The following UMAD1 variants were observed in gnomAD, a reference collection of about 807,000 sequenced individuals.
The protein encoded by UMAD1 is UBAP1-MVB12-associated (UMA) domain containing 1.
UMAD1 carries 8 observed loss-of-function variants against 6.1 expected under a neutral mutation model. That is an observed-to-expected ratio of 1.30 (90% CI 0.76 to 2.35). The LOEUF (loss-of-function observed/expected upper bound fraction) is 2.35. Among genes scored for constraint, UMAD1 ranks in the 30% most tolerant of loss-of-function variants. The probability of loss-of-function intolerance (pLI) is 0.00; values close to 1 mark genes in which losing one functional copy is unlikely to be tolerated. For synonymous variants in UMAD1, 56 were observed against 31.4 expected (o/e 1.78, Z -2.61); for missense variants, 130 against 78.4 (o/e 1.66, Z -2.49).
At chr7:7,710,392 T>C (rs1203820788) in intron 2 of UMAD1, among the ~76,000 whole-genome samples, 3 of 151,934 alleles carry the variant, frequency 2.0e-5, no homozygotes, top group Admixed American at 2.0e-4. Context: ...TAAAACCAAA[T>C]TAGAAAATGG....
Position 7,872,102 on chromosome 7 carries a change from T to TA in UMAD1, c.157-5168dup, listed in dbSNP as rs892789283. Among the ~76,000 whole-genome samples the TA allele has an allele frequency of 4.5e-3, 627 of 140,246 alleles. 3 individuals carry two copies. The highest frequency in any genetic ancestry group is 0.016 in the African/African-American group (601 of 38,186). The allele number at this position is 140,246 out of a possible 152,430, so 92.0% of individuals were successfully genotyped here. Reference sequence around the variant, plus strand: ...CCATAAAAAAATAAAAAATAAAAAATAAAAAAAAAAAGAAGTTGTGTGTTT... The same window carrying TA: ...CCATAAAAAAATAAAAAATAAAAAATAAAAAAAAAAAAGAAGTTGTGTGTTT... On this transcript the variant is annotated intron_variant, in intron 3 of 3. Coordinates refer to ENST00000682710, the MANE Select transcript of UMAD1 (RefSeq NM_001302348.2).
chr7:7,751,939 C>T (rs981485916), intron 2 of UMAD1, among the ~76,000 whole-genome samples: 2 of 152,124 alleles, frequency 1.3e-5, no homozygotes, highest in African/African-American at 4.8e-5. Flanking sequence ...TGATCACAGG[C>T]ATTTATCAGA....
intron 1 of UMAD1, among the ~76,000 whole-genome samples, chr7:7,664,468 C>T (rs528723923): frequency 3.3e-4 from 50 of 152,286 alleles, no homozygotes; most frequent in Non-Finnish European, 5.9e-4. Context: ...ACTTTCCTGA[C>T]GCTTACAACT....
chr7:7,872,638 T>C (rs1784350944), intron 3 of UMAD1, among the ~76,000 whole-genome samples: 1 of 152,232 alleles, frequency 6.6e-6, no homozygotes, highest in Admixed American at 6.5e-5. Flanking sequence ...GTAGACTTAC[T>C]TGATGCAGGG....
chr7:7,849,465 A>T (rs1030775799), intron 3 of UMAD1, among the ~76,000 whole-genome samples: 1 of 152,150 alleles, frequency 6.6e-6, no homozygotes, highest in African/African-American at 2.4e-5. Flanking sequence ...TGTAAAGCTA[A>T]GGAGTGTGGC....
chr7:7,825,123 T>C (rs1288333697), intron 3 of UMAD1, among the ~76,000 whole-genome samples: 1 of 152,072 alleles, frequency 6.6e-6, no homozygotes, highest in South Asian at 2.1e-4. Flanking sequence ...ATCTTAGAGA[T>C]GGGAATAGAG....
chr7:7,661,341 T>A (rs1428266528), intron 1 of UMAD1, among the ~76,000 whole-genome samples: 1 of 152,202 alleles, frequency 6.6e-6, no homozygotes, highest in African/African-American at 2.4e-5. Flanking sequence ...TCACCATTTT[T>A]GTTCCCTTGC....
chr7:7,693,569 G>A (rs955985116), intron 2 of UMAD1, among the ~76,000 whole-genome samples: 1 of 151,978 alleles, frequency 6.6e-6, no homozygotes, highest in Non-Finnish European at 1.5e-5. Context: ...CAGTGTATCA[G>A]GAGGCATCCT....
chr7:7,713,120 C>T (rs1193150451), intron 2 of UMAD1, among the ~76,000 whole-genome samples: 2 of 151,782 alleles, frequency 1.3e-5, no homozygotes, highest in Non-Finnish European at 1.5e-5. Flanking sequence ...AGGCAGATCA[C>T]AAGGTCAGGA....
chr7:7,764,235 C>T (rs770482869), intron 2 of UMAD1, among the ~76,000 whole-genome samples: 22 of 152,106 alleles, frequency 1.4e-4, no homozygotes, highest in Non-Finnish European at 2.8e-4. Context: ...AAGCAGAAAT[C>T]TCTTACAAAT....
chr7:7,805,737 G>T (rs1237701527), intron 3 of UMAD1, among the ~76,000 whole-genome samples: 1 of 152,056 alleles, frequency 6.6e-6, no homozygotes, highest in Admixed American at 6.5e-5. Context: ...CCTATCTCAG[G>T]CTTTGTATTT....
chr7:7,661,844 G>C (rs1377328308), intron 1 of UMAD1, among the ~76,000 whole-genome samples: 1 of 152,214 alleles, frequency 6.6e-6, no homozygotes, highest in Non-Finnish European at 1.5e-5. Flanking sequence ...TGTGCTGGGA[G>C]ATGTACTGCT....
intron 1 of UMAD1, among the ~76,000 whole-genome samples, chr7:7,669,198 T>A (rs1331524598): frequency 6.6e-6 from 1 of 152,138 alleles, no homozygotes; most frequent in Admixed American, 6.5e-5. Context: ...GTTTCAGGTG[T>A]CTACTTGGGA....
intron 2 of UMAD1, among the ~76,000 whole-genome samples, chr7:7,699,467 A>G (rs1196176266): frequency 6.6e-6 from 1 of 152,020 alleles, no homozygotes; most frequent in Non-Finnish European, 1.5e-5. Context: ...GAAAATCATT[A>G]AGCTGTTTAA....
At chr7:7,732,736 C>A (rs1781281069) in intron 2 of UMAD1, among the ~76,000 whole-genome samples, 1 of 152,158 alleles carries the variant, frequency 6.6e-6, no homozygotes. Flanking sequence ...TTAACACAGT[C>A]CCATAAAATA....
intron 2 of UMAD1, among the ~76,000 whole-genome samples, chr7:7,764,889 G>A (rs1352667983): frequency 6.6e-6 from 1 of 152,066 alleles, no homozygotes; most frequent in African/African-American, 2.4e-5. Flanking sequence ...TTCTTTTGAA[G>A]CACTTCCTTC....
chr7:7,828,872 T>A (rs111859959), intron 3 of UMAD1, among the ~76,000 whole-genome samples: 1 of 152,152 alleles, frequency 6.6e-6, no homozygotes, highest in African/African-American at 2.4e-5. Flanking sequence ...GGTCTTTGAA[T>A]GTCAAATTCA....
chr7:7,821,190 TTG>T (rs1783236022), intron 3 of UMAD1, among the ~76,000 whole-genome samples: 1 of 151,432 alleles, frequency 6.6e-6, no homozygotes, highest in South Asian at 2.1e-4. Flanking sequence ...ACCCCCAAGT[TTG>T]TGAAATTTTA....
intron 1 of UMAD1, among the ~76,000 whole-genome samples, chr7:7,655,457 T>C (rs1365863643): frequency 6.6e-6 from 1 of 152,198 alleles, no homozygotes; most frequent in African/African-American, 2.4e-5. Flanking sequence ...CCCTATACAG[T>C]GAAGTTCTCT....
Sources: allele counts gnomAD v4.1 joint callset (sites outside exome capture counted in the v4.1 genomes callset), GRCh38; gene constraint gnomAD v4.1.1; transcripts MANE v1.5; gene names NCBI Gene and HGNC (gene_info 2026-07-23, HGNC 2026-07-21).